CRB1: variants seen among roughly 807,000 people sequenced by gnomAD.
CRB1 encodes the protein crumbs cell polarity complex component 1, also known as protein crumbs homolog 1.
Under a neutral mutation model 120.0 loss-of-function variants are expected in CRB1, and 83 were observed. The ratio of observed to expected loss-of-function variants is 0.69; its 90% CI spans 0.58 to 0.83. The LOEUF (loss-of-function observed/expected upper bound fraction) is 0.83, where lower values mean the gene tolerates loss of function less well. Among genes scored for constraint, CRB1 ranks in the 40% least tolerant of loss-of-function variants. The pLI is 0.00. For missense variants in CRB1, 1,699 were observed against 1,687.6 expected, an observed-to-expected ratio of 1.01 and a Z score of -0.12; for synonymous variants, 625 against 612.5, an observed-to-expected ratio of 1.02 and a Z score of -0.30.
the CRB1 span, among the ~76,000 whole-genome samples, chr1:197,209,842 G>A: frequency 2.1e-3 from 325 of 152,342 alleles, 2 homozygotes; most frequent in African/African-American, 7.3e-3. Flanking sequence ...CCTGTGATCT[G>A]GACCTTCAGG....
In CRB1 at chr1:197,406,165, C is replaced by T. The variant is rs1026142057; in HGVS notation, c.1172-14835C>T. ...AAAGGTGGGGAAAAGATTGAGAAAT[C>T]GGATGGTTGCCTTGTCTGTGTAGAA... On this transcript the variant is annotated intron_variant, in intron 5 of 11. Transcript: ENST00000367400. Among the ~76,000 whole-genome samples the T allele has an allele frequency of 5.3e-5, 8 of 152,184 alleles. No homozygotes were observed. The East Asian group carries it at 1.3e-3, about 26-fold the overall frequency.
Position 197,345,149 on chromosome 1 carries a change from G to A in CRB1, c.848+673G>A, listed in dbSNP as rs187481448. On this transcript the variant is annotated intron_variant, in intron 3 of 11. Transcript: ENST00000367400. The stretch of plus-strand genomic sequence containing the variant: ...ACTTTCTAATACTTATTTAAGCCAC[G>A]ACACTGAAGAACTTTCTAATCTTTA... 6.6e-5 allele frequency among the ~76,000 whole-genome samples: 10 copies of A among 152,242 alleles called. No individual in the cohort carries two copies. The East Asian group carries it at 1.2e-3, about 18-fold the overall frequency.
intron 5 of CRB1, among the ~76,000 whole-genome samples, chr1:197,385,136 A>G (rs1176210381): frequency 1.3e-5 from 2 of 152,156 alleles, no homozygotes; most frequent in Non-Finnish European, 2.9e-5. Context: ...TGCTACTGCA[A>G]ACTACCCTCC....
intron 4 of CRB1, among the ~76,000 whole-genome samples, chr1:197,348,914 G>A (rs913638633): frequency 2.8e-5 from 4 of 144,378 alleles, no homozygotes; most frequent in African/African-American, 1.1e-4. Context: ...TTTTAAGACA[G>A]AAAATTTTCT....
At position 197,434,886 on chromosome 1, in the gene CRB1, T is replaced by C. The variant is rs576795665; in HGVS notation, c.3023T>C (p.Leu1008Ser). The change falls in exon 9 of 12, where the codon TTA becomes TCA. Residue 1008 changes from leucine to serine, a missense_variant. Leu to Ser is a moderately radical substitution (Grantham distance 145). Transcript: ENST00000367400. ...FLNISIQDSRLFFQLQSGNSF... is the reference protein window; with the variant it reads ...FLNISIQDSRSFFQLQSGNSF... ...AATATTAGCATTCAAGATTCCAGAT[T>C]ATTCTTTCAATTGCAAAGTGGCAAC... 1 of 1,613,866 alleles carries C rather than the reference T, an allele frequency of 6.2e-7. No individual in the cohort carries two copies. The highest frequency in any genetic ancestry group is 8.5e-7 in the Non-Finnish European group (1 of 1,179,842).
chr1:197,328,671 G>A lies in CRB1; in HGVS notation c.320G>A (p.Cys107Tyr). The A allele has an allele frequency of 6.2e-7, 1 of 1,614,006 alleles. No homozygotes were observed. The highest frequency in any genetic ancestry group is 8.5e-7 in the Non-Finnish European group (1 of 1,179,864). ...CCTCCTGGGTACAGTGGGACAATCTGTGAAACTACCATTGGTTCCTGTGGC... is the reference window on the plus strand; with the variant it reads ...CCTCCTGGGTACAGTGGGACAATCTATGAAACTACCATTGGTTCCTGTGGC... ...KCPPGYSGTI[C>Y]ETTIGSCGKN... Residue 107 changes from cysteine to tyrosine, a missense_variant, in exon 2 of 12, where the codon TGT (cysteine) becomes TAT (tyrosine). Cys to Tyr is a radical substitution (Grantham distance 194). Coordinates refer to ENST00000367400, the MANE Select transcript of CRB1 (RefSeq NM_201253.3).
chr1:197,361,289 T>G (rs140819759), intron 5 of CRB1, among the ~76,000 whole-genome samples: 2 of 152,208 alleles, frequency 1.3e-5, no homozygotes, highest in Non-Finnish European at 2.9e-5. Context: ...CTTAATTTTC[T>G]ATTTTCTGGA....
chr1:197,373,055 G>A (rs548072209), intron 5 of CRB1, among the ~76,000 whole-genome samples: 15 of 152,166 alleles, frequency 9.9e-5, no homozygotes, highest in East Asian at 1.9e-4. Context: ...ATCTGTGCTC[G>A]GGTGCTAGAA....
chr1:197,469,038 T>A (rs1158363906), intron 11 of CRB1, among the ~76,000 whole-genome samples: 1 of 151,930 alleles, frequency 6.6e-6, no homozygotes, highest in South Asian at 2.1e-4. Flanking sequence ...CATGAGGAAA[T>A]GGGACTCATT....
chr1:197,342,735 CT>C (rs1659541637), intron 2 of CRB1, among the ~76,000 whole-genome samples: 1 of 151,988 alleles, frequency 6.6e-6, no homozygotes, highest in African/African-American at 2.4e-5. Context: ...TTTATTCTAC[CT>C]ACCCTGAAGA....
chr1:197,463,963 G>T (rs757997809), intron 11 of CRB1, among the ~76,000 whole-genome samples: 1 of 152,078 alleles, frequency 6.6e-6, no homozygotes, highest in Non-Finnish European at 1.5e-5. Flanking sequence ...CTAACAAATA[G>T]CAGCAAACGA....
chr1:197,219,308 C>A, the CRB1 span, among the ~76,000 whole-genome samples: 1 of 152,222 alleles, frequency 6.6e-6, no homozygotes, highest in Non-Finnish European at 1.5e-5. Context: ...TCTAGCAACA[C>A]TTTTAATCTT....
intron 5 of CRB1, among the ~76,000 whole-genome samples, chr1:197,398,391 T>G (rs1662883786): frequency 1.3e-5 from 2 of 152,298 alleles, no homozygotes; most frequent in South Asian, 4.1e-4. Context: ...TTTTAGGGTA[T>G]TTACCTTTGT....
chr1:197,465,083 C>T (rs1416643005), intron 11 of CRB1, among the ~76,000 whole-genome samples: 1 of 152,130 alleles, frequency 6.6e-6, no homozygotes, highest in East Asian at 1.9e-4. Flanking sequence ...ACCCTATGTA[C>T]TGTATATAAC....
At chr1:197,245,530 TA>T in the CRB1 span, among the ~76,000 whole-genome samples, 1 of 152,190 alleles carries the variant, frequency 6.6e-6, no homozygotes, top group East Asian at 1.9e-4. Flanking sequence ...AGACAGATAT[TA>T]AAAGCATCTT....
chr1:197,379,605 C>CAA (rs75820081), intron 5 of CRB1, among the ~76,000 whole-genome samples: 4,035 of 73,652 alleles, frequency 0.055, 186 homozygotes, highest in African/African-American at 0.17. Context: ...CGGCCCCGGC[C>CAA]AAAAAAAAAA....
chr1:197,251,624 G>A, the CRB1 span, among the ~76,000 whole-genome samples: 1 of 152,000 alleles, frequency 6.6e-6, no homozygotes, highest in African/African-American at 2.4e-5. Context: ...AATGGGAATT[G>A]CATATTGATC....
At chr1:197,435,853 G>A (rs1665135281) in intron 9 of CRB1, among the ~76,000 whole-genome samples, 1 of 152,120 alleles carries the variant, frequency 6.6e-6, no homozygotes, top group Non-Finnish European at 1.5e-5. Context: ...TCAGTCATCT[G>A]TGTGAAAATA....
At chr1:197,459,188 C>T (rs561354876) in intron 11 of CRB1, among the ~76,000 whole-genome samples, 11 of 152,064 alleles carry the variant, frequency 7.2e-5, no homozygotes, top group Non-Finnish European at 1.3e-4. Context: ...TGGATTCCCT[C>T]GACCAAACTT....
Sources: gnomAD v4.1 joint callset for allele counts (sites outside exome capture counted in the v4.1 genomes callset) on GRCh38, gnomAD v4.1.1 for gene constraint, MANE v1.5 for transcripts, NCBI Gene and HGNC (gene_info 2026-07-23, HGNC 2026-07-21) for gene names.